Variants in RGS7 observed in about 807,000 individuals in gnomAD.
RGS7 encodes the protein regulator of G protein signaling 7, also known as regulator of G-protein signaling 7.
A neutral mutation model predicts 81.1 loss-of-function variants in RGS7; 27 were observed. That is an observed-to-expected ratio of 0.33 (90% CI 0.25 to 0.46). The LOEUF (loss-of-function observed/expected upper bound fraction) is 0.46. Among genes scored for constraint, RGS7 ranks in the 20% least tolerant of loss-of-function variants. RGS7 has a pLI of 1.00. For synonymous variants in RGS7, 208 were observed against 207.7 expected (o/e 1.00, Z -0.01); for missense variants, 396 against 607.4 (o/e 0.65, Z 3.66).
intron 2 of RGS7, among the ~76,000 whole-genome samples, chr1:241,214,560 T>C (rs1371427372): frequency 6.6e-6 from 1 of 152,126 alleles, no homozygotes; most frequent in East Asian, 1.9e-4. Context: ...TTTGGAAAAT[T>C]TTCAGCCAGA....
intron 4 of RGS7, among the ~76,000 whole-genome samples, chr1:240,974,123 T>C (rs989461652): frequency 6.6e-6 from 1 of 152,232 alleles, no homozygotes; most frequent in Non-Finnish European, 1.5e-5. Context: ...GATAATTAAG[T>C]TACTTGATCC....
At chr1:240,826,265 A>C (rs994849017) in intron 10 of RGS7, among the ~76,000 whole-genome samples, 4 of 152,220 alleles carry the variant, frequency 2.6e-5, no homozygotes, top group African/African-American at 9.6e-5. Context: ...CTTAAAAGAA[A>C]GAAAAGGTAC....
Position 241,098,771 on chromosome 1 carries a change from T to C in RGS7, c.79-9A>G, listed in dbSNP as rs1162861719. 1 of 1,581,906 alleles carries C rather than the reference T, an allele frequency of 6.3e-7. No homozygotes were observed. The highest frequency in any genetic ancestry group is 8.7e-7 in the Non-Finnish European group (1 of 1,152,628). ...GCTATGACGTCTTCCATCTAAACAA[T>C]AATAACATAATTAAAACCTTTATAA... On this transcript the variant is annotated splice_polypyrimidine_tract_variant and intron_variant, in intron 2 of 18. Transcript: ENST00000440928.
chr1:241,337,334 G>T (rs1442856087), intron 2 of RGS7, among the ~76,000 whole-genome samples: 2 of 152,084 alleles, frequency 1.3e-5, no homozygotes, highest in African/African-American at 2.4e-5. Context: ...ACAACCAGAA[G>T]TTGAACAATC....
At position 241,126,730 on chromosome 1, in the gene RGS7, G is replaced by A. The variant is rs187557013; in HGVS notation, c.79-27968C>T. 1.3e-4 allele frequency among the ~76,000 whole-genome samples: 20 copies of A among 152,142 alleles called. No individual in the cohort carries two copies. In the East Asian group the frequency reaches 3.9e-3, roughly 29 times the overall value. ...AGAGGTTAGGAAAGTGCCCGGTACA[G>A]AGAAATGCTACATAAATGTTAGCTA... On this transcript the variant is annotated intron_variant, in intron 2 of 18. Coordinates refer to ENST00000440928, the MANE Select transcript of RGS7 (RefSeq NM_001364886.1).
chr1:241,147,535 A>G (rs2068397880), intron 2 of RGS7, among the ~76,000 whole-genome samples: 1 of 151,952 alleles, frequency 6.6e-6, no homozygotes, highest in African/African-American at 2.4e-5. Context: ...AAAATATAGT[A>G]TAGTTTTTCC....
chr1:240,974,841 C>T (rs1222713649), intron 4 of RGS7, among the ~76,000 whole-genome samples: 1 of 151,914 alleles, frequency 6.6e-6, no homozygotes, highest in Non-Finnish European at 1.5e-5. Context: ...AGATTCTGGC[C>T]CACTTGCATG....
chr1:240,831,588 T>C (rs759967100), intron 9 of RGS7, among the ~76,000 whole-genome samples: 20 of 151,828 alleles, frequency 1.3e-4, no homozygotes, highest in Non-Finnish European at 2.6e-4. Flanking sequence ...TAAGTGGAAG[T>C]TGGCACAGAG....
chr1:240,930,488 C>T (rs540042023), intron 6 of RGS7, among the ~76,000 whole-genome samples: 1 of 152,178 alleles, frequency 6.6e-6, no homozygotes, highest in South Asian at 2.1e-4. Flanking sequence ...TTAACCTAAT[C>T]AGAAGGCTTT....
In RGS7 at chr1:240,827,132, G is replaced by A; in HGVS notation, c.650C>T (p.Ser217Leu). 1 of 1,613,884 alleles carries A rather than the reference G, an allele frequency of 6.2e-7. No individual in the cohort carries two copies. The highest frequency in any genetic ancestry group is 1.1e-5 in the South Asian group (1 of 91,064). Residue 217 changes from serine (S) to leucine (L), a missense_variant, in exon 10 of 19, where the codon TCA becomes TTA. By Grantham distance (145) the Ser-to-Leu change is moderately radical (BLOSUM62 -2). Transcript: ENST00000440928. ...VNTTEVDIKK[S>L]SRMRNPHKTR... Reference sequence around the variant, plus strand: ...TTTGTGGGGGTTTCTCATTCTGGATGACTTCTTAATGTCCACTTCAGTTGT... The same window carrying A: ...TTTGTGGGGGTTTCTCATTCTGGATAACTTCTTAATGTCCACTTCAGTTGT...
intron 4 of RGS7, among the ~76,000 whole-genome samples, chr1:240,944,200 C>G (rs572474258): frequency 9.1e-4 from 135 of 148,584 alleles, no homozygotes; most frequent in African/African-American, 3.2e-3. Flanking sequence ...CATGTTCATT[C>G]CCCAGATTTA....
chr1:240,850,910 A>G (rs1406312213), intron 9 of RGS7, among the ~76,000 whole-genome samples: 2 of 152,162 alleles, frequency 1.3e-5, no homozygotes, highest in Admixed American at 1.3e-4. Context: ...TGAAAGAAAT[A>G]AGGAAGCTGA....
chr1:241,081,061 G>T (rs376105763), intron 3 of RGS7, among the ~76,000 whole-genome samples: 37 of 152,284 alleles, frequency 2.4e-4, no homozygotes, highest in Admixed American at 7.2e-4. Flanking sequence ...CTGGAGCGGT[G>T]ACTTTATGAA....
intron 2 of RGS7, among the ~76,000 whole-genome samples, chr1:241,107,978 G>A (rs1321297662): frequency 6.6e-6 from 1 of 152,086 alleles, no homozygotes; most frequent in Non-Finnish European, 1.5e-5. Flanking sequence ...AAAAATAAGA[G>A]TGGGTGGTTG....
intron 2 of RGS7, among the ~76,000 whole-genome samples, chr1:241,272,633 C>G (rs1558260794): frequency 1.3e-5 from 2 of 152,134 alleles, no homozygotes. Flanking sequence ...TAATATCTCT[C>G]CAAATATTTC....
intron 12 of RGS7, among the ~76,000 whole-genome samples, chr1:240,814,369 G>A (rs1393086136): frequency 6.6e-6 from 1 of 152,184 alleles, no homozygotes; most frequent in Non-Finnish European, 1.5e-5. Flanking sequence ...AGTTTATAGA[G>A]AGGCTCCAGT....
rs149356322 is a variant in RGS7 at position 241,136,933 on chromosome 1, G to C, written c.79-38171C>G. On this transcript the variant is annotated intron_variant, in intron 2 of 18. Coordinates refer to ENST00000440928, the MANE Select transcript of RGS7 (RefSeq NM_001364886.1). ...AAGATGAGCTTTCTGTTAATCTGTT[G>C]GTGGCTTGCATCATCATTGGATGAT... is the stretch of plus-strand genomic sequence containing the variant. 3.2e-3 allele frequency among the ~76,000 whole-genome samples: 486 copies of C among 152,266 alleles called. 2 individuals are homozygous for C. Among genetic ancestry groups the C allele is most frequent in the African/African-American group, 0.011 (451 of 41,552 alleles).
intron 2 of RGS7, among the ~76,000 whole-genome samples, chr1:241,130,796 C>T (rs544895735): frequency 1.9e-3 from 276 of 149,112 alleles, no homozygotes; most frequent in Non-Finnish European, 2.3e-3. Flanking sequence ...TGTTTGGTTT[C>T]TTTTTTATTT....
chr1:241,189,854 GT>G (rs1437374926), intron 2 of RGS7, among the ~76,000 whole-genome samples: 1 of 151,884 alleles, frequency 6.6e-6, no homozygotes, highest in East Asian at 1.9e-4. Flanking sequence ...GGTGGCTCAC[GT>G]CTGTAATCCC....
Sources: gnomAD v4.1 joint callset for allele counts (sites outside exome capture counted in the v4.1 genomes callset) on GRCh38, gnomAD v4.1.1 for gene constraint, MANE v1.5 for transcripts, NCBI Gene and HGNC (gene_info 2026-07-23, HGNC 2026-07-21) for gene names.